IMMP2L: variants seen among roughly 807,000 people sequenced by gnomAD.
IMMP2L encodes mitochondrial inner membrane protease subunit 2.
In IMMP2L, 18 loss-of-function variants were observed where a neutral mutation model predicts 19.3. The ratio of observed to expected loss-of-function variants is 0.93; its 90% confidence interval spans 0.64 to 1.38. IMMP2L has a LOEUF of 1.38. Ranked by LOEUF, IMMP2L falls within the 40% of genes most tolerant of loss-of-function variation. The pLI is 0.00. For missense variants in IMMP2L, 233 were observed against 218.2 expected, an observed-to-expected ratio of 1.07 and a Z score of -0.43; for synonymous variants, 76 against 73.0, an observed-to-expected ratio of 1.04 and a Z score of -0.21.
chr7:111,210,895 G>C (rs1459657198), intron 3 of IMMP2L, among the ~76,000 whole-genome samples: 2 of 152,112 alleles, frequency 1.3e-5, no homozygotes, highest in Non-Finnish European at 2.9e-5. Context: ...TCCCCCAGCA[G>C]TGTAGATAAG....
intron 3 of IMMP2L, among the ~76,000 whole-genome samples, chr7:111,417,318 G>A (rs1835045781): frequency 6.6e-6 from 1 of 151,770 alleles, no homozygotes; most frequent in Admixed American, 6.6e-5. Flanking sequence ...CCTGTTGTCG[G>A]GTGGAGGGCG....
At chr7:110,934,069 T>C (rs374748872) in intron 4 of IMMP2L, among the ~76,000 whole-genome samples, 2 of 152,226 alleles carry the variant, frequency 1.3e-5, no homozygotes, top group Non-Finnish European at 2.9e-5. Flanking sequence ...AAAGAACTTA[T>C]TTATTTCTGC....
At chr7:111,104,281 C>T (rs116828887) in intron 3 of IMMP2L, among the ~76,000 whole-genome samples, 2,139 of 151,804 alleles carry the variant, frequency 0.014, 64 homozygotes, top group African/African-American at 0.049. Flanking sequence ...TTCTCCCACT[C>T]CCTCTGTGTC....
At chr7:111,198,302 G>T (rs1045930768) in intron 3 of IMMP2L, among the ~76,000 whole-genome samples, 1 of 152,140 alleles carries the variant, frequency 6.6e-6, no homozygotes, top group Non-Finnish European at 1.5e-5. Context: ...ATATAATACT[G>T]TGAGTAACAA....
At chr7:111,137,653 A>G (rs1802478221) in intron 3 of IMMP2L, among the ~76,000 whole-genome samples, 1 of 152,248 alleles carries the variant, frequency 6.6e-6, no homozygotes, top group African/African-American at 2.4e-5. Context: ...TGATAAAAGC[A>G]CAGTCAGAAG....
Position 111,123,245 on chromosome 7 carries a change from G to A in IMMP2L, c.240-159680C>T. ...AACTTGCTTTCTACAATTTCACCTG[G>A]AGCCTTTATTGGCCTACATAATCTT... On this transcript the variant is annotated intron_variant, in intron 3 of 5. Coordinates refer to ENST00000405709, the MANE Select transcript of IMMP2L (RefSeq NM_032549.4). The surrounding 1 kb of genome is among the most constrained non-coding windows in gnomAD (Gnocchi z 6.4). 1.2e-6 allele frequency: 2 copies of A among 1,613,786 alleles called. No homozygotes were observed. Among genetic ancestry groups the A allele is most frequent in the Non-Finnish European group, 1.7e-6 (2 of 1,179,914 alleles).
intron 3 of IMMP2L, chr7:111,395,006 T>C: frequency 4.2e-6 from 1 of 239,646 alleles, no homozygotes; most frequent in Non-Finnish European, 9.2e-6. Flanking sequence ...CTGTGCATTA[T>C]GTGTGCAGCT....
chr7:111,345,588 G>A (rs557031544), intron 3 of IMMP2L, among the ~76,000 whole-genome samples: 1 of 152,214 alleles, frequency 6.6e-6, no homozygotes, highest in East Asian at 1.9e-4. Context: ...AAATGGTCCA[G>A]GTGGAATATG....
At chr7:111,026,037 C>CAA (rs1246654642) in intron 3 of IMMP2L, among the ~76,000 whole-genome samples, 4 of 150,636 alleles carry the variant, frequency 2.7e-5, no homozygotes, top group Non-Finnish European at 5.9e-5. Context: ...CACACACACA[C>CAA]AAATTAGGAA....
At chr7:111,228,116 C>G (rs1027369773) in intron 3 of IMMP2L, among the ~76,000 whole-genome samples, 1 of 152,086 alleles carries the variant, frequency 6.6e-6, no homozygotes, top group Non-Finnish European at 1.5e-5. Context: ...AAGAGATTAT[C>G]TGCTGTTGAA....
intron 2 of IMMP2L, among the ~76,000 whole-genome samples, chr7:111,489,040 T>TC (rs1842882892): frequency 7.4e-6 from 1 of 135,436 alleles, no homozygotes; most frequent in Non-Finnish European, 1.6e-5. Context: ...AATCCACTTT[T>TC]TTTTTTTTTT....
intron 3 of IMMP2L, among the ~76,000 whole-genome samples, chr7:111,143,457 C>T (rs1053440299): frequency 7.2e-5 from 11 of 152,182 alleles, no homozygotes; most frequent in African/African-American, 2.6e-4. Flanking sequence ...AGATGTTCCC[C>T]GTGAAAGACC....
At chr7:110,858,760 G>A (rs1005771412) in intron 5 of IMMP2L, among the ~76,000 whole-genome samples, 1 of 146,966 alleles carries the variant, frequency 6.8e-6, no homozygotes, top group South Asian at 2.3e-4. Context: ...CTCCTCCCCC[G>A]ACCCCACAAC....
chr7:110,862,366 G>A (rs1236056341), intron 5 of IMMP2L, among the ~76,000 whole-genome samples: 1 of 151,396 alleles, frequency 6.6e-6, no homozygotes, highest in Non-Finnish European at 1.5e-5. Flanking sequence ...TAGAAACAGG[G>A]TCATGCTCTG....
At chr7:111,200,749 G>A (rs1436844901) in intron 3 of IMMP2L, among the ~76,000 whole-genome samples, 1 of 152,040 alleles carries the variant, frequency 6.6e-6, no homozygotes, top group Non-Finnish European at 1.5e-5. Context: ...CTCTGCCCTG[G>A]CAGAGAAACA....
At chr7:111,094,013 G>T (rs1398146665) in intron 3 of IMMP2L, among the ~76,000 whole-genome samples, 2 of 152,112 alleles carry the variant, frequency 1.3e-5, no homozygotes, top group African/African-American at 4.8e-5. Context: ...CAGCAATTTA[G>T]TGACCTACAA....
At chr7:110,835,218 G>T (rs1222896826) in intron 5 of IMMP2L, among the ~76,000 whole-genome samples, 1 of 152,176 alleles carries the variant, frequency 6.6e-6, no homozygotes, top group East Asian at 1.9e-4. Flanking sequence ...GATCAAAAGA[G>T]ATTTTGCCCA....
At chr7:111,332,181 A>G (rs1246853521) in intron 3 of IMMP2L, among the ~76,000 whole-genome samples, 2 of 151,890 alleles carry the variant, frequency 1.3e-5, no homozygotes, top group Non-Finnish European at 2.9e-5. Context: ...ACGTTAGTAA[A>G]GAAATAAGTA....
At chr7:110,966,043 G>C (rs1394696037) in intron 3 of IMMP2L, among the ~76,000 whole-genome samples, 1 of 151,852 alleles carries the variant, frequency 6.6e-6, no homozygotes, top group Non-Finnish European at 1.5e-5. Context: ...AACAAGAGCA[G>C]ACAGGTTAAA....
Sources: gnomAD v4.1 joint callset for allele counts (sites outside exome capture counted in the v4.1 genomes callset) on GRCh38, gnomAD v4.1.1 for gene constraint, Gnocchi (gnomAD v3.1) non-coding constraint, MANE v1.5 for transcripts, NCBI Gene and HGNC (gene_info 2026-07-23, HGNC 2026-07-21) for gene names.